Variants in ACSM3 observed in about 807,000 individuals in gnomAD.
ACSM3 encodes the protein acyl-CoA synthetase medium chain family member 3.
In ACSM3, 61 loss-of-function variants were observed where a neutral mutation model predicts 74.1. The observed-to-expected ratio is 0.82, with a 90% confidence interval of 0.67 to 1.02. The LOEUF is 1.02. Among genes scored for constraint, ACSM3 ranks in the 50% least tolerant of loss-of-function variants. The pLI, the probability that ACSM3 is intolerant of heterozygous loss-of-function variation, is 0.00. For synonymous variants in ACSM3, 213 were observed against 241.5 expected, an observed-to-expected ratio of 0.88 and a Z score of 1.09; for missense variants, 660 against 697.0, an observed-to-expected ratio of 0.95 and a Z score of 0.60.
At chr16:20,692,782 T>C (rs2079666434) in intron 1 of ACSM3, among the ~76,000 whole-genome samples, 1 of 152,198 alleles carries the variant, frequency 6.6e-6, no homozygotes, top group Admixed American at 6.5e-5. Context: ...TAAGTCTTGA[T>C]ATACAGGGTT....
intron 1 of ACSM3, chr16:20,737,365 TTTC>T: frequency 6.9e-7 from 1 of 1,440,326 alleles, no homozygotes; most frequent in Non-Finnish European, 9.3e-7. Flanking sequence ...TTTGTCTCTG[TTTC>T]TTGTTAAAAC....
upstream of ACSM3, among the ~76,000 whole-genome samples, chr16:20,762,528 A>T (rs556985477): frequency 1.3e-5 from 2 of 152,198 alleles, no homozygotes; most frequent in Non-Finnish European, 2.9e-5. Flanking sequence ...TTGTCAAGAG[A>T]CATAACTATA....
intron 1 of ACSM3, among the ~76,000 whole-genome samples, chr16:20,726,676 G>T (rs2079807308): frequency 6.6e-6 from 1 of 152,158 alleles, no homozygotes; most frequent in Non-Finnish European, 1.5e-5. Context: ...AATCAAACAG[G>T]CAGGGCCCTA....
rs2080619113 is a variant in ACSM3 at position 20,792,285 on chromosome 16, T to G, written c.1504T>G (p.Ser502Ala). 1.2e-6 allele frequency: 2 copies of G among 1,614,124 alleles called. No individual in the cohort carries two copies. Among genetic ancestry groups the G allele is most frequent in the Non-Finnish European group, 1.7e-6 (2 of 1,179,976 alleles). Residue 502 changes from serine (S) to alanine (A), a missense_variant, in exon 12 of 14, where the codon TCA (serine) becomes GCA (alanine). Ser to Ala is a moderately conservative substitution (Grantham distance 99, BLOSUM62 1). Transcript: ENST00000289416. ...AGAAAATGCCCTGAATGAACACCCT[T>G]CAGTTGCAGAGTCAGCTGTTGTCAG... ...EVENALNEHP[S>A]VAESAVVSSP...
intron 1 of ACSM3, among the ~76,000 whole-genome samples, chr16:20,686,828 C>A (rs2079561994): frequency 6.6e-6 from 1 of 151,068 alleles, no homozygotes; most frequent in African/African-American, 2.4e-5. Context: ...AAAAGTTTAA[C>A]TATGGAAAGT....
chr16:20,674,409 C>T (rs1203700973), upstream of ACSM3: 1 of 197,188 alleles, frequency 5.1e-6, no homozygotes, highest in African/African-American at 2.4e-5. Context: ...TTGTTTCTCA[C>T]TTCTGTAATA....
chr16:20,711,081 C>A (rs1207076590), intron 1 of ACSM3, among the ~76,000 whole-genome samples: 2 of 151,172 alleles, frequency 1.3e-5, no homozygotes, highest in Non-Finnish European at 2.9e-5. Flanking sequence ...CTAAGACTCC[C>A]AGACTCTGTC....
At chr16:20,767,324 T>C (rs2080138026) in intron 1 of ACSM3, among the ~76,000 whole-genome samples, 1 of 20,580 alleles carries the variant, frequency 4.9e-5, no homozygotes, top group East Asian at 5.6e-4. Context: ...GAGACCATCC[T>C]GGCTAACACG....
At chr16:20,724,628 A>G (rs1183313604) in intron 1 of ACSM3, among the ~76,000 whole-genome samples, 1 of 152,038 alleles carries the variant, frequency 6.6e-6, no homozygotes, top group Non-Finnish European at 1.5e-5. Flanking sequence ...TATCTAGAAA[A>G]CCCCATCGTC....
intron 1 of ACSM3, among the ~76,000 whole-genome samples, chr16:20,700,221 A>T (rs1596481064): frequency 1.3e-5 from 2 of 152,308 alleles, no homozygotes; most frequent in Non-Finnish European, 2.9e-5. Flanking sequence ...ACATTCATTC[A>T]TTCAGTGGAT....
intron 1 of ACSM3, among the ~76,000 whole-genome samples, chr16:20,691,646 T>A (rs1315499238): frequency 6.6e-6 from 1 of 152,108 alleles, no homozygotes; most frequent in South Asian, 2.1e-4. Context: ...AGCTGTGATA[T>A]CTTTATATGA....
intron 1 of ACSM3, among the ~76,000 whole-genome samples, chr16:20,714,387 T>C (rs2079753999): frequency 6.6e-6 from 1 of 152,042 alleles, no homozygotes; most frequent in African/African-American, 2.4e-5. Flanking sequence ...ATGCCATTGA[T>C]GGGTTTAAGA....
chr16:20,718,519 G>A, intron 1 of ACSM3: 3 of 291,790 alleles, frequency 1.0e-5, no homozygotes, highest in Admixed American at 5.3e-5. Flanking sequence ...CTGGTTTTGG[G>A]TTTGAACTCC....
intron 1 of ACSM3, chr16:20,697,513 TC>T (rs1281685377): frequency 2.0e-5 from 3 of 151,170 alleles, no homozygotes; most frequent in Non-Finnish European, 4.4e-5. Context: ...TTGCCCAAGG[TC>T]ACTCAACTTA....
intron 1 of ACSM3, chr16:20,718,615 C>T (rs2079774187): frequency 5.2e-6 from 1 of 190,588 alleles, no homozygotes; most frequent in Admixed American, 6.1e-5. Context: ...TGCTACCAAA[C>T]AGAACTTGTG....
intron 1 of ACSM3, among the ~76,000 whole-genome samples, chr16:20,724,271 G>C (rs1292968876): frequency 2.0e-5 from 3 of 152,142 alleles, no homozygotes; most frequent in African/African-American, 7.2e-5. Context: ...CAGAACCAAT[G>C]ACAAAAATCA....
rs1050757108 is a variant in ACSM3 at position 20,751,828 on chromosome 16, G to A, written c.-96+1825G>A. 2.6e-5 allele frequency among the ~76,000 whole-genome samples: 4 copies of A among 152,170 alleles called. No homozygotes were observed. The East Asian group carries it at 7.7e-4, about 29-fold the overall frequency. On this transcript the variant is annotated intron_variant, in intron 2 of 3. Transcript: ENST00000561584. The stretch of plus-strand genomic sequence containing the variant: ...TAAGGGATATATTGACATGTTCATT[G>A]TCAAAATCTTTGCTCCAGCCAAACT...
chr16:20,742,758 C>G (rs998712094), intron 1 of ACSM3, among the ~76,000 whole-genome samples: 1 of 149,394 alleles, frequency 6.7e-6, no homozygotes, highest in Non-Finnish European at 1.5e-5. Flanking sequence ...GCTTCCCGGT[C>G]TGGTGATGAA....
intron 1 of ACSM3, among the ~76,000 whole-genome samples, chr16:20,677,989 T>C (rs537644542): frequency 6.2e-5 from 8 of 128,246 alleles, no homozygotes; most frequent in Non-Finnish European, 9.4e-5. Context: ...AGGGGCACCA[T>C]AAAGGAAGAA....
Sources: gnomAD v4.1 joint callset for allele counts (sites outside exome capture counted in the v4.1 genomes callset) on GRCh38, gnomAD v4.1.1 for gene constraint, MANE v1.5 for transcripts, NCBI Gene and HGNC (gene_info 2026-07-23, HGNC 2026-07-21) for gene names.